Variants in ABTB2 observed in about 807,000 individuals in gnomAD.
ABTB2 encodes ankyrin repeat and BTB/POZ domain-containing protein 2.
ABTB2 carries 56 observed loss-of-function variants against 104.1 expected under a neutral mutation model. That is an observed-to-expected ratio of 0.54 (90% CI 0.43 to 0.67). The LOEUF (loss-of-function observed/expected upper bound fraction) is 0.67, where lower values mean the gene tolerates loss of function less well. Ranked by LOEUF, ABTB2 falls within the 30% of genes least tolerant of loss-of-function variation. The probability of loss-of-function intolerance (pLI) is 0.00; values close to 1 mark genes in which losing one functional copy is unlikely to be tolerated. For missense variants in ABTB2, 1,279 were observed against 1,407.7 expected, an observed-to-expected ratio of 0.91 and a Z score of 1.46; for synonymous variants, 606 against 608.2, an observed-to-expected ratio of 1.00 and a Z score of 0.05.
chr11:34,354,116 A>G (rs1377502279), intron 1 of ABTB2, among the ~76,000 whole-genome samples: 1 of 152,164 alleles, frequency 6.6e-6, no homozygotes, highest in Non-Finnish European at 1.5e-5. Context: ...TTTCATGTAT[A>G]AAAAATGAGC....
chr11:34,324,354 G>C (rs578128095), intron 1 of ABTB2, among the ~76,000 whole-genome samples: 2 of 152,276 alleles, frequency 1.3e-5, no homozygotes, highest in East Asian at 3.9e-4. Context: ...CTATTCCTGG[G>C]CCCATGATAG....
chr11:34,248,247 T>A (rs1235320661), intron 1 of ABTB2, among the ~76,000 whole-genome samples: 2 of 151,962 alleles, frequency 1.3e-5, no homozygotes, highest in African/African-American at 4.8e-5. Context: ...TGCACCATCA[T>A]GCCCAGCACA....
rs570095030 is a variant in ABTB2 at position 34,256,443 on chromosome 11, T to G, written c.884-51753A>C. ...GAGAAACAAACCCGGTTTTGTCATA[T>G]AATTTTCTGCACCTCCACTGAAATA... On this transcript the variant is annotated intron_variant, in intron 1 of 16. Coordinates refer to ENST00000435224, the MANE Select transcript of ABTB2 (RefSeq NM_145804.3). Among the ~76,000 whole-genome samples, 7 of 152,322 alleles carry G rather than the reference T, an allele frequency of 4.6e-5. No individual in the cohort carries two copies. The East Asian group carries it at 7.7e-4, about 17-fold the overall frequency.
chr11:34,356,562 AC>A lies in ABTB2; in HGVS notation c.883+138del. On this transcript the variant is annotated intron_variant, in intron 1 of 16. Transcript: ENST00000435224. The surrounding 1 kb of genome is among the most constrained non-coding windows in gnomAD (Gnocchi z 4.6). ...ATCTCTGGCAAGTGCCATGTAATGAACCCTATCCTCAGACCAAACGTTTTCT... is the reference window on the plus strand; with the variant it reads ...ATCTCTGGCAAGTGCCATGTAATGAACCTATCCTCAGACCAAACGTTTTCT... 1 of 1,201,364 alleles carries A rather than the reference AC, an allele frequency of 8.3e-7. No individual in the cohort carries two copies. Among genetic ancestry groups the A allele is most frequent in the South Asian group, 1.6e-5 (1 of 61,984 alleles). The allele number at this position is 1,201,364 out of a possible 1,614,324, so 74.4% of individuals were successfully genotyped here.
At chr11:34,311,294 A>T (rs1446443358) in intron 1 of ABTB2, among the ~76,000 whole-genome samples, 1 of 152,252 alleles carries the variant, frequency 6.6e-6, no homozygotes, top group East Asian at 1.9e-4. Flanking sequence ...CCAGAAAAGC[A>T]CATTGCAAGT....
chr11:34,329,159 G>A (rs1194372562), intron 1 of ABTB2, among the ~76,000 whole-genome samples: 1 of 152,184 alleles, frequency 6.6e-6, no homozygotes, highest in Non-Finnish European at 1.5e-5. Flanking sequence ...TTTCAGAGAG[G>A]AAAGGTTTCA....
At chr11:34,325,616 T>C (rs1289877778) in intron 1 of ABTB2, among the ~76,000 whole-genome samples, 1 of 152,198 alleles carries the variant, frequency 6.6e-6, no homozygotes, top group Non-Finnish European at 1.5e-5. Context: ...TATTGATCTA[T>C]AGATTATCCA....
chr11:34,187,295 G>A (rs937670068), intron 3 of ABTB2, among the ~76,000 whole-genome samples: 4 of 152,188 alleles, frequency 2.6e-5, no homozygotes, highest in Admixed American at 6.5e-5. Context: ...CAGCAGGCGT[G>A]GGGCCAGGGA....
At chr11:34,266,207 C>CA (rs1854247392) in intron 1 of ABTB2, among the ~76,000 whole-genome samples, 1 of 152,200 alleles carries the variant, frequency 6.6e-6, no homozygotes, top group Admixed American at 6.5e-5. Flanking sequence ...CTCAGCCTCT[C>CA]AAGTAGCTGG....
At chr11:34,306,967 CCAT>C (rs749064457) in intron 1 of ABTB2, among the ~76,000 whole-genome samples, 14 of 132,442 alleles carry the variant, frequency 1.1e-4, no homozygotes, top group Non-Finnish European at 2.0e-4. Flanking sequence ...ACAGCTAGCA[CCAT>C]GTCAGGAAAC....
At chr11:34,223,570 T>A (rs1457993868) in intron 1 of ABTB2, among the ~76,000 whole-genome samples, 1 of 152,236 alleles carries the variant, frequency 6.6e-6, no homozygotes, top group Non-Finnish European at 1.5e-5. Context: ...GTGTTGCTCC[T>A]GCCTGGGTGG....
chr11:34,305,490 G>A (rs1260289316), intron 1 of ABTB2, among the ~76,000 whole-genome samples: 1 of 152,206 alleles, frequency 6.6e-6, no homozygotes, highest in African/African-American at 2.4e-5. Context: ...GGCGATTATT[G>A]AGGTTTCGCC....
chr11:34,230,363 A>G (rs768271937), intron 1 of ABTB2, among the ~76,000 whole-genome samples: 26 of 152,188 alleles, frequency 1.7e-4, no homozygotes, highest in Non-Finnish European at 2.9e-4. Flanking sequence ...CTGGGTTTGA[A>G]TGAGGGGTTA....
chr11:34,336,696 G>A (rs1255078585), intron 1 of ABTB2, among the ~76,000 whole-genome samples: 1 of 151,918 alleles, frequency 6.6e-6, no homozygotes, highest in Non-Finnish European at 1.5e-5. Flanking sequence ...CCTGCAGTTA[G>A]ACCCGGGTTT....
chr11:34,259,443 C>T (rs901951860), intron 1 of ABTB2, among the ~76,000 whole-genome samples: 9 of 152,212 alleles, frequency 5.9e-5, no homozygotes, highest in African/African-American at 9.6e-5. Flanking sequence ...AACTTGCAAA[C>T]GATGAACAGA....
At chr11:34,295,229 T>C (rs1854608333) in intron 1 of ABTB2, among the ~76,000 whole-genome samples, 1 of 152,108 alleles carries the variant, frequency 6.6e-6, no homozygotes, top group Non-Finnish European at 1.5e-5. Flanking sequence ...AGCATATTTG[T>C]TGCTGATGAG....
At chr11:34,241,015 CA>C (rs1853909585) in intron 1 of ABTB2, among the ~76,000 whole-genome samples, 1 of 151,982 alleles carries the variant, frequency 6.6e-6, no homozygotes, top group Non-Finnish European at 1.5e-5. Flanking sequence ...GTTTTTAGGG[CA>C]AGGGGGAAAG....
chr11:34,161,751 TAGAG>T (rs1422979504), intron 10 of ABTB2, among the ~76,000 whole-genome samples: 1 of 152,148 alleles, frequency 6.6e-6, no homozygotes, highest in East Asian at 1.9e-4. Flanking sequence ...CCCTGGTAAT[TAGAG>T]AGACAGCTTC....
chr11:34,171,139 CAT>C lies in ABTB2; in HGVS notation c.1398-70_1398-69del, dbSNP rs756243818. 5.6e-5 allele frequency: 86 copies of C among 1,537,364 alleles called. No individual in the cohort carries two copies. In the East Asian group the frequency reaches 6.3e-4, roughly 11 times the overall value. ...CAGCAACTTTCAATGATGTGACACA[CAT>C]GTGTGAGCTTTACGTGTAGAGTGAG... is the stretch of plus-strand genomic sequence containing the variant. On this transcript the variant is annotated intron_variant, in intron 4 of 16. Coordinates refer to ENST00000435224, the MANE Select transcript of ABTB2 (RefSeq NM_145804.3).
Sources: allele counts gnomAD v4.1 joint callset (sites outside exome capture counted in the v4.1 genomes callset), GRCh38; gene constraint gnomAD v4.1.1; non-coding constraint Gnocchi (gnomAD v3.1); transcripts MANE v1.5; gene names NCBI Gene and HGNC (gene_info 2026-07-23, HGNC 2026-07-21).